B3GALT1: variants seen among roughly 807,000 people sequenced by gnomAD.
B3GALT1 encodes beta-1,3-galactosyltransferase 1, also known as UDP-Gal:betaGlcNAc beta 1,3-galactosyltransferase, polypeptide 1.
A neutral mutation model predicts 23.2 loss-of-function variants in B3GALT1; 10 were observed. The observed-to-expected ratio is 0.43, with a 90% CI of 0.27 to 0.73. B3GALT1 has a LOEUF of 0.73. Ranked by LOEUF, B3GALT1 falls within the 30% of genes least tolerant of loss-of-function variation. The probability of loss-of-function intolerance (pLI) is 0.21; values close to 1 mark genes in which losing one functional copy is unlikely to be tolerated. For missense variants in B3GALT1, 299 were observed against 405.4 expected, an observed-to-expected ratio of 0.74 and a Z score of 2.25; for synonymous variants, 156 against 141.5, an observed-to-expected ratio of 1.10 and a Z score of -0.73.
At chr2:167,302,000 A>G (rs73012102) in intron 1 of B3GALT1, among the ~76,000 whole-genome samples, 8,537 of 152,286 alleles carry the variant, frequency 0.056, 268 homozygotes, top group East Asian at 0.13. Context: ...TCTTGTAGGA[A>G]TTAATTCCAT....
At chr2:167,710,022 A>G (rs1457775960) in intron 3 of B3GALT1, among the ~76,000 whole-genome samples, 1 of 152,142 alleles carries the variant, frequency 6.6e-6, no homozygotes, top group Admixed American at 6.5e-5. Flanking sequence ...CAGTGAAGTG[A>G]CCCAGCACAC....
chr2:167,746,750 T>C (rs753431031), intron 3 of B3GALT1, among the ~76,000 whole-genome samples: 1 of 151,118 alleles, frequency 6.6e-6, no homozygotes, highest in Non-Finnish European at 1.5e-5. Flanking sequence ...ATGAAATGTG[T>C]TTTTAAAGCT....
intron 2 of B3GALT1, among the ~76,000 whole-genome samples, chr2:167,618,205 A>G (rs1422957789): frequency 6.6e-6 from 1 of 152,104 alleles, no homozygotes; most frequent in Non-Finnish European, 1.5e-5. Context: ...TCGGATTCTT[A>G]ACAGCTAATG....
At chr2:167,611,441 A>G (rs573953112) in intron 2 of B3GALT1, among the ~76,000 whole-genome samples, 164 of 152,034 alleles carry the variant, frequency 1.1e-3, no homozygotes, top group South Asian at 5.2e-3. Context: ...CCCTCTGGCC[A>G]AATCTAGACT....
intron 2 of B3GALT1, among the ~76,000 whole-genome samples, chr2:167,563,896 C>CGGACG (rs1684083691): frequency 3.8e-4 from 1 of 2,598 alleles, no homozygotes; most frequent in Non-Finnish European, 8.5e-4. Context: ...GGCGGCCGGC[C>CGGACG]GGGCGGGGCC....
At chr2:167,507,550 G>A (rs1410959104) in intron 2 of B3GALT1, among the ~76,000 whole-genome samples, 2 of 149,678 alleles carry the variant, frequency 1.3e-5, no homozygotes, top group African/African-American at 4.9e-5. Context: ...GATAAAGGTG[G>A]TATTAAGAAA....
intron 3 of B3GALT1, among the ~76,000 whole-genome samples, chr2:167,716,828 T>C (rs1199280833): frequency 1.3e-5 from 2 of 152,218 alleles, no homozygotes; most frequent in Non-Finnish European, 2.9e-5. Context: ...GTGTATCTTC[T>C]TTTTTATAGT....
intron 4 of B3GALT1, among the ~76,000 whole-genome samples, chr2:167,842,901 T>C (rs1050471647): frequency 2.6e-5 from 4 of 152,180 alleles, no homozygotes; most frequent in Non-Finnish European, 5.9e-5. Flanking sequence ...TAAGCACTAT[T>C]GTGTTCCAAG....
intron 2 of B3GALT1, among the ~76,000 whole-genome samples, chr2:167,612,320 T>C (rs1407804513): frequency 6.6e-6 from 1 of 151,644 alleles, no homozygotes; most frequent in Non-Finnish European, 1.5e-5. Flanking sequence ...TTTAAATCTT[T>C]TGCCTAAAAC....
At chr2:167,660,100 A>G (rs1321555533) in intron 3 of B3GALT1, among the ~76,000 whole-genome samples, 1 of 152,114 alleles carries the variant, frequency 6.6e-6, no homozygotes, top group Non-Finnish European at 1.5e-5. Context: ...GTGACATTTC[A>G]TAAACATATC....
intron 4 of B3GALT1, among the ~76,000 whole-genome samples, chr2:167,826,234 ACCACTCCACCCT>A: frequency 6.6e-6 from 1 of 152,134 alleles, no homozygotes; most frequent in Admixed American, 6.5e-5. Flanking sequence ...AGTCCTCTCT[ACCACTCCACCCT>A]CCAGGGCTCA....
intron 1 of B3GALT1, among the ~76,000 whole-genome samples, chr2:167,384,868 A>G (rs754973123): frequency 3.3e-5 from 5 of 152,014 alleles, no homozygotes; most frequent in Non-Finnish European, 5.9e-5. Flanking sequence ...TAAAAACCCA[A>G]TATCCTCCAT....
intron 1 of B3GALT1, among the ~76,000 whole-genome samples, chr2:167,327,759 T>C (rs1045922279): frequency 6.6e-6 from 1 of 152,056 alleles, no homozygotes; most frequent in African/African-American, 2.4e-5. Context: ...CAGTACTATG[T>C]TGAATAGGAG....
intron 2 of B3GALT1, among the ~76,000 whole-genome samples, chr2:167,614,347 A>G (rs572913578): frequency 3.3e-5 from 5 of 151,036 alleles, no homozygotes; most frequent in African/African-American, 1.2e-4. Context: ...TACTTAAAAG[A>G]GACAAAGTCT....
chr2:167,349,913 AAAT>A (rs754068106), intron 1 of B3GALT1, among the ~76,000 whole-genome samples: 1 of 152,198 alleles, frequency 6.6e-6, no homozygotes, highest in Non-Finnish European at 1.5e-5. Context: ...TTTTCTTTGT[AAAT>A]AATGTTGAGG....
intron 4 of B3GALT1, among the ~76,000 whole-genome samples, chr2:167,848,108 A>G (rs1412265279): frequency 1.3e-5 from 2 of 152,104 alleles, no homozygotes; most frequent in Non-Finnish European, 2.9e-5. Context: ...AAATATTACC[A>G]ACAAAAAAAA....
At chr2:167,844,120 T>C (rs922647157) in intron 4 of B3GALT1, among the ~76,000 whole-genome samples, 2 of 152,134 alleles carry the variant, frequency 1.3e-5, no homozygotes, top group African/African-American at 4.8e-5. Flanking sequence ...CAAGAGTACA[T>C]AGTCAAATGC....
chr2:167,715,199 T>C, intron 3 of B3GALT1: 3 of 1,613,982 alleles, frequency 1.9e-6, no homozygotes, highest in Non-Finnish European at 1.7e-6. Context: ...TTCCAAGTTA[T>C]CATCATCCGT....
chr2:167,389,663 A>G (rs1383320791), intron 1 of B3GALT1, among the ~76,000 whole-genome samples: 1 of 152,112 alleles, frequency 6.6e-6, no homozygotes, highest in Non-Finnish European at 1.5e-5. Context: ...AAATTTGTTT[A>G]TTTGCCAGAG....
Sources: gnomAD v4.1 joint callset for allele counts (sites outside exome capture counted in the v4.1 genomes callset) on GRCh38, gnomAD v4.1.1 for gene constraint, MANE v1.5 for transcripts, NCBI Gene and HGNC (gene_info 2026-07-23, HGNC 2026-07-21) for gene names.